ABLIM2: variants seen among roughly 807,000 people sequenced by gnomAD.
ABLIM2 encodes actin binding LIM protein family member 2, also known as actin-binding LIM protein 2.
A neutral mutation model predicts 97.7 loss-of-function variants in ABLIM2; 53 were observed. That is an observed-to-expected ratio of 0.54 (90% CI 0.44 to 0.68). The LOEUF (loss-of-function observed/expected upper bound fraction) is 0.68. Ranked by LOEUF, ABLIM2 falls within the 30% of genes least tolerant of loss-of-function variation. ABLIM2 has a pLI of 0.00. For missense variants in ABLIM2, 835 were observed against 867.2 expected, an observed-to-expected ratio of 0.96 and a Z score of 0.47; for synonymous variants, 361 against 345.8, an observed-to-expected ratio of 1.04 and a Z score of -0.49.
intron 5 of ABLIM2, 140 bp from the exon 6 acceptor site, chr4:8,077,861 C>G: frequency 1.5e-6 from 1 of 679,050 alleles, no homozygotes; most frequent in Non-Finnish European, 2.6e-6. Context: ...ATGCTTCCAA[C>G]AGGCAGTGTC....
rs1727414024 is a variant in ABLIM2 at position 7,970,909 on chromosome 4, G to A, written c.1825-3806C>T. On this transcript the variant is annotated intron_variant, in intron 20 of 20. Transcript: ENST00000447017. This position sits in a 1 kb window ranked among gnomAD's most constrained non-coding sequence, Gnocchi z 5.3. ...TACAGGGCCCAGGACTTGGGGCCAG[G>A]GGTCTAGGGGGCTGACAGGGACCAC... Among the ~76,000 whole-genome samples the A allele has an allele frequency of 6.6e-6, 1 of 152,042 alleles. No homozygotes were observed. Among genetic ancestry groups the A allele is most frequent in the African/African-American group, 2.4e-5 (1 of 41,404 alleles).
Position 8,019,205 on chromosome 4 carries a change from C to T in ABLIM2, c.1423+413G>A, listed in dbSNP as rs974332273. Among the ~76,000 whole-genome samples, 1 of 152,204 alleles carries T rather than the reference C, an allele frequency of 6.6e-6. No homozygotes were observed. The highest frequency in any genetic ancestry group is 6.5e-5 in the Admixed American group (1 of 15,278). ...GACTAAAGTCTCCCTGAGGAATAAA[C>T]GACCGATTCAAGTTTGTTCTATATT... On this transcript the variant is annotated intron_variant, in intron 14 of 20. Transcript: ENST00000447017. This position sits in a 1 kb window ranked among gnomAD's most constrained non-coding sequence, Gnocchi z 4.3.
chr4:8,008,129 C>A lies in ABLIM2; in HGVS notation c.1548G>T (p.Gln516His), dbSNP rs749117758. Residue 516 changes from glutamine to histidine, a missense_variant, in exon 16 of 21, where the codon CAG becomes CAT. Gln to His is a conservative substitution (Grantham distance 24, BLOSUM62 0). Transcript: ENST00000447017. ...CGGTCCCGCTGCTGTGGGACAAGGA[C>A]TGGGTGTCCAGGTCTGGAGAATTGG... ...TRTNSPDLDT[Q>H]SLSHSSGTDR... The A allele has an allele frequency of 6.2e-7, 1 of 1,614,046 alleles. No individual in the cohort carries two copies. Among genetic ancestry groups the A allele is most frequent in the South Asian group, 1.1e-5 (1 of 91,088 alleles).
intron 6 of ABLIM2, among the ~76,000 whole-genome samples, chr4:8,073,315 C>T (rs1813670697): frequency 6.7e-6 from 1 of 150,298 alleles, no homozygotes; most frequent in Non-Finnish European, 1.5e-5. Flanking sequence ...TCGCTGAGGT[C>T]TGGCTGCCAA....
At chr4:7,993,281 C>T (rs558698788) in intron 16 of ABLIM2, among the ~76,000 whole-genome samples, 1 of 152,224 alleles carries the variant, frequency 6.6e-6, no homozygotes, top group African/African-American at 2.4e-5. Flanking sequence ...CAGGAAGGGG[C>T]GCAGTCTCTG....
At chr4:8,118,970 G>A (rs1024109569) in intron 1 of ABLIM2, among the ~76,000 whole-genome samples, 10 of 152,240 alleles carry the variant, frequency 6.6e-5, no homozygotes, top group Non-Finnish European at 1.3e-4. Flanking sequence ...GGATCTGTCT[G>A]TTGTCCACCT....
chr4:7,990,609 C>A (rs1006049079), intron 17 of ABLIM2, among the ~76,000 whole-genome samples: 6 of 152,104 alleles, frequency 3.9e-5, no homozygotes, highest in Non-Finnish European at 8.8e-5. Flanking sequence ...ATGCTTGAGG[C>A]CACCCAGAAC....
At chr4:8,066,319 A>G (rs1286429637) in intron 6 of ABLIM2, among the ~76,000 whole-genome samples, 1 of 142,914 alleles carries the variant, frequency 7.0e-6, no homozygotes, top group East Asian at 2.1e-4. Context: ...AAAAAAAAAA[A>G]AAGAAAAAAG....
rs1053148063 is a variant in ABLIM2 at position 7,970,591 on chromosome 4, C to T, written c.1825-3488G>A. ...GTGGGAGCCTCTGGGGAGGGCGATT[C>T]GAGGAAGACTTGGAGCTGGCGGGCA... is the stretch of plus-strand genomic sequence containing the variant. On this transcript the variant is annotated intron_variant, in intron 20 of 20. Transcript: ENST00000447017. This position sits in a 1 kb window ranked among gnomAD's most constrained non-coding sequence, Gnocchi z 5.3. 1.3e-5 allele frequency among the ~76,000 whole-genome samples: 2 copies of T among 151,220 alleles called. No individual in the cohort carries two copies. The highest frequency in any genetic ancestry group is 2.1e-4 in the South Asian group (1 of 4,752).
rs1300137172 is a variant in ABLIM2, at chr4:8,113,310, G to C, written c.11-6673C>G. 6.6e-6 allele frequency among the ~76,000 whole-genome samples: 1 copy of C among 152,158 alleles called. No individual in the cohort carries two copies. The highest frequency in any genetic ancestry group is 1.5e-5 in the Non-Finnish European group (1 of 68,020). On this transcript the variant is annotated intron_variant, in intron 1 of 20. Transcript: ENST00000447017. The surrounding 1 kb of genome is among the most constrained non-coding windows in gnomAD (Gnocchi z 4.5). Reference sequence around the variant, plus strand: ...GGATGTCGCTATCTTGCTCAGGCTGGTCTCACACTCCTGGGCTCAAGTGAT... The same window carrying C: ...GGATGTCGCTATCTTGCTCAGGCTGCTCTCACACTCCTGGGCTCAAGTGAT...
rs1760069063 is a variant in ABLIM2, at chr4:8,004,889, G to A, written c.1618+3170C>T. Among the ~76,000 whole-genome samples the A allele has an allele frequency of 6.6e-6, 1 of 152,220 alleles. No homozygotes were observed. Among genetic ancestry groups the A allele is most frequent in the Admixed American group, 6.5e-5 (1 of 15,286 alleles). On this transcript the variant is annotated intron_variant, in intron 16 of 20. Transcript: ENST00000447017. This position sits in a 1 kb window ranked among gnomAD's most constrained non-coding sequence, Gnocchi z 5.9. ...TTCACTATGACGCCCTCTTTGGAGG[G>A]GTGGCAATGCCTGCTGGGAACTAAT...
At position 8,151,618 on chromosome 4, in the gene ABLIM2, A is replaced by G. The variant is rs571531637; in HGVS notation, c.10+7062T>C. Among the ~76,000 whole-genome samples the G allele has an allele frequency of 4.1e-3, 624 of 152,222 alleles. 5 individuals are homozygous for G. Among genetic ancestry groups the G allele is most frequent in the African/African-American group, 0.014 (576 of 41,530 alleles). On this transcript the variant is annotated intron_variant, in intron 1 of 20. Coordinates refer to ENST00000447017, the MANE Select transcript of ABLIM2 (RefSeq NM_001130083.2). Reference sequence around the variant, plus strand: ...AAAATGGCAGCCAGGCCTCACACCCAAACAGTGGGCGGGGTGGGGCGGTGG... The same window carrying G: ...AAAATGGCAGCCAGGCCTCACACCCGAACAGTGGGCGGGGTGGGGCGGTGG...
At chr4:8,026,687 G>A (rs1777576396) in intron 12 of ABLIM2, among the ~76,000 whole-genome samples, 1 of 152,266 alleles carries the variant, frequency 6.6e-6, no homozygotes, top group South Asian at 2.1e-4. Flanking sequence ...CAGCTGGGCT[G>A]TGTCACAAAA....
intron 6 of ABLIM2, among the ~76,000 whole-genome samples, chr4:8,066,016 A>C: frequency 5.7e-5 from 1 of 17,516 alleles, no homozygotes; most frequent in East Asian, 1.5e-3. Context: ...GGAGGGAGGG[A>C]GGGGGCCGGG....
chr4:8,098,797 G>A (rs995880401), intron 2 of ABLIM2, among the ~76,000 whole-genome samples: 1 of 152,218 alleles, frequency 6.6e-6, no homozygotes, highest in Non-Finnish European at 1.5e-5. Context: ...CCGTGAGCCA[G>A]TGCGATGTGA....
rs2150879975 is a variant in ABLIM2 at position 8,019,902 on chromosome 4, G to T, written c.1370-231C>A. On this transcript the variant is annotated intron_variant, in intron 13 of 20. Coordinates refer to ENST00000447017, the MANE Select transcript of ABLIM2 (RefSeq NM_001130083.2). This position sits in a 1 kb window ranked among gnomAD's most constrained non-coding sequence, Gnocchi z 4.3. Reference sequence around the variant, plus strand: ...TGGGGCAGCAGCCAGGAACCTTGTGGTCCCCCGGGAAGTGTAGCCAGCTCA... The same window carrying T: ...TGGGGCAGCAGCCAGGAACCTTGTGTTCCCCCGGGAAGTGTAGCCAGCTCA... 6.6e-6 allele frequency among the ~76,000 whole-genome samples: 1 copy of T among 152,274 alleles called. No homozygotes were observed. The highest frequency in any genetic ancestry group is 2.1e-4 in the South Asian group (1 of 4,816).
At chr4:8,042,791 A>T (rs1789561351) in intron 9 of ABLIM2, among the ~76,000 whole-genome samples, 1 of 146,290 alleles carries the variant, frequency 6.8e-6, no homozygotes, top group Non-Finnish European at 1.5e-5. Flanking sequence ...GTGAGCTGAG[A>T]TGGAGCCGTG....
rs1204117093 is a variant in ABLIM2, at chr4:8,148,111, C to T, written c.10+10569G>A. Among the ~76,000 whole-genome samples the T allele has an allele frequency of 1.3e-5, 2 of 152,194 alleles. No individual in the cohort carries two copies. The highest frequency in any genetic ancestry group is 3.2e-3 in the Middle Eastern group (1 of 316). On this transcript the variant is annotated intron_variant, in intron 1 of 20. Coordinates refer to ENST00000447017, the MANE Select transcript of ABLIM2 (RefSeq NM_001130083.2). This position sits in a 1 kb window ranked among gnomAD's most constrained non-coding sequence, Gnocchi z 6.7. ...TGGGGGAGAAACCCCTCACCAAAGC[C>T]CACCATGCGCACCTTCCCCGGCAGA...
At position 8,087,491 on chromosome 4, in the gene ABLIM2, G is replaced by C. The variant is rs920769479; in HGVS notation, c.454+678C>G. On this transcript the variant is annotated intron_variant, in intron 4 of 20. Coordinates refer to ENST00000447017, the MANE Select transcript of ABLIM2 (RefSeq NM_001130083.2). The surrounding 1 kb of genome is among the most constrained non-coding windows in gnomAD (Gnocchi z 4.6). ...CTGGGAGGTGGAGCAGTGAACCCAA[G>C]GGCCCCTGACTGCGGGAGCCCGGAG... is the stretch of plus-strand genomic sequence containing the variant. 6.6e-6 allele frequency among the ~76,000 whole-genome samples: 1 copy of C among 152,192 alleles called. No individual in the cohort carries two copies. The highest frequency in any genetic ancestry group is 2.4e-5 in the African/African-American group (1 of 41,448).
Sources: gnomAD v4.1 joint callset for allele counts (sites outside exome capture counted in the v4.1 genomes callset) on GRCh38, gnomAD v4.1.1 for gene constraint, Gnocchi (gnomAD v3.1) non-coding constraint, MANE v1.5 for transcripts, NCBI Gene and HGNC (gene_info 2026-07-23, HGNC 2026-07-21) for gene names.